DPYD: variants seen among roughly 807,000 people sequenced by gnomAD.
The protein encoded by DPYD is dihydropyrimidine dehydrogenase [NADP(+)].
In DPYD, 109 loss-of-function variants were observed where a neutral mutation model predicts 116.2. That is an observed-to-expected ratio of 0.94 (90% CI 0.80 to 1.10). The LOEUF is 1.10. DPYD is among the 50% of genes least tolerant of loss of function. The pLI is 0.00. For synonymous variants in DPYD, 440 were observed against 432.0 expected (o/e 1.02, Z -0.23); for missense variants, 1,302 against 1,254.5 (o/e 1.04, Z -0.57).
chr1:97,374,262 A>G (rs1447585176), intron 15 of DPYD, among the ~76,000 whole-genome samples: 2 of 152,208 alleles, frequency 1.3e-5, no homozygotes, highest in African/African-American at 4.8e-5. Context: ...TTAATTACTT[A>G]ATAGGAATCC....
At chr1:97,737,666 G>T (rs1664034318) in intron 4 of DPYD, among the ~76,000 whole-genome samples, 1 of 151,936 alleles carries the variant, frequency 6.6e-6, no homozygotes, top group Non-Finnish European at 1.5e-5. Context: ...AAATCTATTG[G>T]TTACATTTCT....
chr1:97,221,614 T>C (rs950428107), intron 19 of DPYD, among the ~76,000 whole-genome samples: 10 of 152,212 alleles, frequency 6.6e-5, no homozygotes, highest in Non-Finnish European at 1.2e-4. Flanking sequence ...ATCTCTAACT[T>C]AGTACCAAAG....
chr1:97,588,781 T>C (rs1319568569), intron 10 of DPYD, among the ~76,000 whole-genome samples: 3 of 152,198 alleles, frequency 2.0e-5, no homozygotes, highest in Non-Finnish European at 4.4e-5. Flanking sequence ...ACAAGGGAGC[T>C]GGAAAGACAC....
chr1:97,528,568 T>C (rs1417385331), intron 12 of DPYD, among the ~76,000 whole-genome samples: 2 of 152,090 alleles, frequency 1.3e-5, no homozygotes. Flanking sequence ...AGCAACTTAA[T>C]GTAGTAACAT....
At chr1:97,237,096 C>G (rs1381093239) in intron 18 of DPYD, among the ~76,000 whole-genome samples, 1 of 151,900 alleles carries the variant, frequency 6.6e-6, no homozygotes, top group Non-Finnish European at 1.5e-5. Flanking sequence ...CAAAAATTAT[C>G]TGGACTTGGT....
At chr1:97,224,135 C>A (rs1660959515) in intron 19 of DPYD, among the ~76,000 whole-genome samples, 2 of 151,934 alleles carry the variant, frequency 1.3e-5, no homozygotes, top group Admixed American at 6.6e-5. Flanking sequence ...TTCAAAGACA[C>A]TGAAGTTCAC....
chr1:97,832,135 G>A (rs1172331726), intron 2 of DPYD, among the ~76,000 whole-genome samples: 1 of 148,024 alleles, frequency 6.8e-6, no homozygotes, highest in Non-Finnish European at 1.5e-5. Flanking sequence ...CTCTGGGTTA[G>A]GTACTTTTTC....
At chr1:97,611,174 G>C (rs1183672392) in intron 8 of DPYD, among the ~76,000 whole-genome samples, 3 of 152,120 alleles carry the variant, frequency 2.0e-5, no homozygotes, top group African/African-American at 7.2e-5. Context: ...GCAAGGAGGA[G>C]CAAGTCACAT....
At chr1:97,135,673 T>A (rs1431927550) in intron 20 of DPYD, among the ~76,000 whole-genome samples, 3 of 152,134 alleles carry the variant, frequency 2.0e-5, no homozygotes, top group African/African-American at 7.2e-5. Flanking sequence ...AATAGTGTCT[T>A]TTTTCTTTCC....
intron 5 of DPYD, among the ~76,000 whole-genome samples, chr1:97,712,082 G>A (rs1242275918): frequency 6.6e-6 from 1 of 151,940 alleles, no homozygotes; most frequent in Non-Finnish European, 1.5e-5. Flanking sequence ...ACAACCCTGT[G>A]TCTAGGTGAA....
intron 5 of DPYD, among the ~76,000 whole-genome samples, chr1:97,703,011 G>T (rs532179209): frequency 6.6e-6 from 1 of 152,046 alleles, no homozygotes; most frequent in South Asian, 2.1e-4. Flanking sequence ...AATGTAAATT[G>T]TTAGCCCGAT....
chr1:97,798,248 A>C (rs1667677195), intron 3 of DPYD, among the ~76,000 whole-genome samples: 1 of 152,050 alleles, frequency 6.6e-6, no homozygotes, highest in Non-Finnish European at 1.5e-5. Context: ...CCTAATTCAT[A>C]TGTCTGGATA....
intron 3 of DPYD, among the ~76,000 whole-genome samples, chr1:97,770,695 A>G (rs1666092720): frequency 6.6e-6 from 1 of 152,196 alleles, no homozygotes; most frequent in African/African-American, 2.4e-5. Context: ...ATTTCATTAA[A>G]TTGGGAAACT....
In DPYD at chr1:97,525,758, T is replaced by TAGAGACAG. The variant is rs371304745; in HGVS notation, c.1525-9818_1525-9817insCTGTCTCT. 3.7e-5 allele frequency among the ~76,000 whole-genome samples: 4 copies of TAGAGACAG among 108,744 alleles called. No individual in the cohort carries two copies. The Admixed American group carries it at 4.0e-4, about 11-fold the overall frequency. 71.3% of individuals were successfully genotyped at this position (108,744 alleles called of 152,430 possible). ...AGAGTAAGTAATTGCCCTGGGTAATTAGAGAGAGAGAGAGAGAGAGAGAGA... is the reference window on the plus strand; with the variant it reads ...AGAGTAAGTAATTGCCCTGGGTAATTAGAGACAGAGAGAGAGAGAGAGAGAGAGAGAGA... On this transcript the variant is annotated intron_variant, in intron 12 of 22. Transcript: ENST00000370192.
chr1:97,486,213 C>T (rs1678625953), intron 13 of DPYD, among the ~76,000 whole-genome samples: 1 of 152,084 alleles, frequency 6.6e-6, no homozygotes. Context: ...TCATGGATAA[C>T]AGTTCAGTTG....
At chr1:97,577,229 C>A (rs1232605149) in intron 10 of DPYD, among the ~76,000 whole-genome samples, 1 of 152,156 alleles carries the variant, frequency 6.6e-6, no homozygotes, top group Non-Finnish European at 1.5e-5. Flanking sequence ...TACTCTACCT[C>A]CCTGCAGCAC....
At chr1:97,516,702 T>TAAG (rs1291728235) in intron 12 of DPYD, among the ~76,000 whole-genome samples, 4 of 151,980 alleles carry the variant, frequency 2.6e-5, no homozygotes, top group Admixed American at 2.6e-4. Context: ...CACTTACTCT[T>TAAG]AGCACATGGC....
At chr1:97,101,965 A>G (rs185400359) in intron 20 of DPYD, among the ~76,000 whole-genome samples, 193 of 152,094 alleles carry the variant, frequency 1.3e-3, no homozygotes, top group African/African-American at 4.2e-3. Flanking sequence ...TCTTACACTA[A>G]AACTGTCTCT....
intron 19 of DPYD, among the ~76,000 whole-genome samples, chr1:97,199,829 GT>G (rs1222212578): frequency 1.3e-5 from 2 of 152,106 alleles, no homozygotes; most frequent in African/African-American, 4.8e-5. Context: ...TGGAAGTACT[GT>G]GGAAATTATA....
Sources: gnomAD v4.1 joint callset for allele counts (sites outside exome capture counted in the v4.1 genomes callset) on GRCh38, gnomAD v4.1.1 for gene constraint, MANE v1.5 for transcripts, NCBI Gene and HGNC (gene_info 2026-07-23, HGNC 2026-07-21) for gene names.